The following WNK1 variants were observed in gnomAD, a reference collection of about 807,000 sequenced individuals.
WNK1 encodes the protein WNK lysine deficient protein kinase 1, also known as serine/threonine-protein kinase WNK1.
WNK1 carries 38 observed loss-of-function variants against 222.8 expected under a neutral mutation model. That is an observed-to-expected ratio of 0.17 (90% confidence interval 0.13 to 0.22). The LOEUF is 0.22. Ranked by LOEUF, WNK1 falls within the 10% of genes least tolerant of loss-of-function variation. The pLI, the probability that WNK1 is intolerant of heterozygous loss-of-function variation, is 1.00. For synonymous variants in WNK1, 1,090 were observed against 1,092.9 expected, an observed-to-expected ratio of 1.00 and a Z score of 0.05; for missense variants, 2,348 against 2,918.4, an observed-to-expected ratio of 0.80 and a Z score of 4.50.
At chr12:829,560 T>G (rs1301182403) in intron 3 of WNK1, among the ~76,000 whole-genome samples, 1 of 152,182 alleles carries the variant, frequency 6.6e-6, no homozygotes, top group Non-Finnish European at 1.5e-5. Flanking sequence ...TACCATACAT[T>G]AGTGGGCACA....
At chr12:789,737 T>C (rs1399803706) in intron 1 of WNK1, among the ~76,000 whole-genome samples, 1 of 152,166 alleles carries the variant, frequency 6.6e-6, no homozygotes, top group East Asian at 1.9e-4. Context: ...AGGATGTTTT[T>C]ATAATATTTC....
intron 1 of WNK1, among the ~76,000 whole-genome samples, chr12:790,176 A>G (rs933404340): frequency 1.3e-5 from 2 of 152,236 alleles, no homozygotes; most frequent in Admixed American, 1.3e-4. Flanking sequence ...GAAGTAAGAT[A>G]GTCTTGAGGG....
chr12:766,635 T>A (rs1286294402), intron 1 of WNK1, among the ~76,000 whole-genome samples: 1 of 149,828 alleles, frequency 6.7e-6, no homozygotes, highest in Non-Finnish European at 1.5e-5. Context: ...CGCACCACCA[T>A]GCCCAGCTAA....
In WNK1 at chr12:882,934, TC is replaced by T; in HGVS notation, c.3373-8del. The T allele has an allele frequency of 1.9e-6, 3 of 1,550,998 alleles. No individual in the cohort carries two copies. Among genetic ancestry groups the T allele is most frequent in the Non-Finnish European group, 2.7e-6 (3 of 1,122,690 alleles). ...GTCTTTGGAGATGATGTACCTTTTT[TC>T]TTTTTAGGTTTCAAATAAAGGAGAC... On this transcript the variant is annotated splice_region_variant and splice_polypyrimidine_tract_variant and intron_variant, in intron 14 of 27. Transcript: ENST00000315939.
Position 821,042 on chromosome 12 carries a change from G to GTTTTTTT in WNK1, c.933-5981_933-5975dup, listed in dbSNP as rs60880879. On this transcript the variant is annotated intron_variant, in intron 2 of 27. Coordinates refer to ENST00000315939, the MANE Select transcript of WNK1 (RefSeq NM_018979.4). ...TGCTATTCCTATCCTAGTTTCTTGAGTTTTTTTTTTTTTTTTTTTTTTTTT... is the reference window on the plus strand; with the variant it reads ...TGCTATTCCTATCCTAGTTTCTTGAGTTTTTTTTTTTTTTTTTTTTTTTTTTTTTTTT... Among the ~76,000 whole-genome samples the GTTTTTTT allele has an allele frequency of 3.2e-4, 25 of 79,124 alleles. 1 individual carries two copies. Among genetic ancestry groups the GTTTTTTT allele is most frequent in the African/African-American group, 5.3e-4 (8 of 15,048 alleles). The allele number at this position is 79,124 out of a possible 152,430, so 51.9% of individuals were successfully genotyped here.
At chr12:897,916 T>C (rs1438701319) in intron 25 of WNK1, among the ~76,000 whole-genome samples, 3 of 152,248 alleles carry the variant, frequency 2.0e-5, no homozygotes, top group Non-Finnish European at 4.4e-5. Context: ...TATTGCTATC[T>C]ACTGGTAATC....
chr12:880,039 G>C lies in WNK1; in HGVS notation c.2832+8G>C. The C allele has an allele frequency of 3.7e-6, 6 of 1,613,440 alleles. No homozygotes were observed. Among genetic ancestry groups the C allele is most frequent in the Non-Finnish European group, 5.1e-6 (6 of 1,179,790 alleles). On this transcript the variant is annotated splice_region_variant and intron_variant, in intron 11 of 27. Coordinates refer to ENST00000315939, the MANE Select transcript of WNK1 (RefSeq NM_018979.4). ...GGAGATGTTCTGTACCAGGTATTGT[G>C]TTAGTTAGCAAAAGAGGGCACCACA...
chr12:855,650 T>C (rs980562929), intron 4 of WNK1, among the ~76,000 whole-genome samples: 1 of 152,170 alleles, frequency 6.6e-6, no homozygotes. Context: ...ATTCCCTTTG[T>C]TTTATGTGTC....
chr12:849,854 G>T (rs1034902078), intron 4 of WNK1, among the ~76,000 whole-genome samples: 1 of 152,084 alleles, frequency 6.6e-6, no homozygotes, highest in African/African-American at 2.4e-5. Flanking sequence ...TGCTGAGAAT[G>T]ATGGTTTCCA....
At chr12:778,966 A>C (rs938532327) in intron 1 of WNK1, among the ~76,000 whole-genome samples, 2 of 152,174 alleles carry the variant, frequency 1.3e-5, no homozygotes, top group Admixed American at 1.3e-4. Context: ...TAAACATTAC[A>C]GGGGGAGCAA....
chr12:775,180 T>C (rs192200352), intron 1 of WNK1, among the ~76,000 whole-genome samples: 1 of 152,340 alleles, frequency 6.6e-6, no homozygotes, highest in African/African-American at 2.4e-5. Flanking sequence ...ATTTTTAAAA[T>C]GTTTATACTA....
chr12:862,545 A>T (rs1452291571), intron 8 of WNK1, among the ~76,000 whole-genome samples: 2 of 152,258 alleles, frequency 1.3e-5, no homozygotes, highest in African/African-American at 4.8e-5. Context: ...TGTTGAAACT[A>T]TTCACAGCAA....
intron 1 of WNK1, among the ~76,000 whole-genome samples, chr12:760,401 G>C (rs1940850294): frequency 6.8e-6 from 1 of 147,662 alleles, no homozygotes; most frequent in Admixed American, 6.7e-5. Flanking sequence ...CCAATTTTCT[G>C]AGCTTTGAGT....
rs1294673284 is a variant in WNK1 at position 879,638 on chromosome 12, C to G, written c.2439C>G (p.Pro813=). Residue 813 remains proline, a synonymous_variant, in exon 11 of 28, where the codon CCC becomes CCG. Transcript: ENST00000315939. ...CTCAGATCCCAGTTGCGACACAACC[C>G]TCGGTTGTTCCAGTCCACTCTGGTG... ...GEPQIPVATQ[P]SVVPVHSGAH... The G allele has an allele frequency of 5.0e-6, 8 of 1,613,358 alleles. No individual in the cohort carries two copies. In the East Asian group the frequency reaches 1.3e-4, roughly 27 times the overall value.
chr12:769,058 T>C (rs1289272228), intron 1 of WNK1, among the ~76,000 whole-genome samples: 1 of 152,062 alleles, frequency 6.6e-6, no homozygotes, highest in Non-Finnish European at 1.5e-5. Flanking sequence ...TCCACCCGCC[T>C]CAGCCTCCCA....
chr12:838,607 GGTTTTGTCAT>G (rs371997673), intron 4 of WNK1, among the ~76,000 whole-genome samples: 2,304 of 152,042 alleles, frequency 0.015, 58 homozygotes, highest in African/African-American at 0.052. Flanking sequence ...GTAGAGACGA[GGTTTTGTCAT>G]GTTGCCCAGG....
intron 25 of WNK1, among the ~76,000 whole-genome samples, chr12:898,673 A>T (rs1423639229): frequency 6.6e-6 from 1 of 152,120 alleles, no homozygotes; most frequent in Non-Finnish European, 1.5e-5. Context: ...TCCTAGGCTC[A>T]GGTGGTCCTC....
intron 9 of WNK1, among the ~76,000 whole-genome samples, chr12:875,804 T>A (rs1952557891): frequency 2.0e-5 from 3 of 152,180 alleles, no homozygotes; most frequent in Non-Finnish European, 2.9e-5. Context: ...TATGTAGAGT[T>A]TGGGGGAGAG....
intron 8 of WNK1, chr12:868,615 C>T: frequency 6.2e-7 from 1 of 1,614,006 alleles, no homozygotes; most frequent in Non-Finnish European, 8.5e-7. Context: ...AGAGCAGAAG[C>T]AACTGTGTAT....
Sources: allele counts gnomAD v4.1 joint callset (sites outside exome capture counted in the v4.1 genomes callset), GRCh38; gene constraint gnomAD v4.1.1; transcripts MANE v1.5; gene names NCBI Gene and HGNC (gene_info 2026-07-23, HGNC 2026-07-21).